Variants in MCU observed in about 807,000 individuals in gnomAD.
MCU encodes the protein calcium uniporter protein, mitochondrial.
A neutral mutation model predicts 45.2 loss-of-function variants in MCU; 12 were observed. The ratio of observed to expected loss-of-function variants is 0.27; its 90% CI spans 0.17 to 0.43. The LOEUF (loss-of-function observed/expected upper bound fraction) is 0.43. Among genes scored for constraint, MCU ranks in the 20% least tolerant of loss-of-function variants. The pLI, the probability that MCU is intolerant of heterozygous loss-of-function variation, is 1.00. For synonymous variants in MCU, 160 were observed against 165.1 expected (o/e 0.97, Z 0.24); for missense variants, 324 against 436.7 (o/e 0.74, Z 2.30).
chr10:72,766,004 C>T (rs1228016307), intron 1 of MCU, among the ~76,000 whole-genome samples: 1 of 151,996 alleles, frequency 6.6e-6, no homozygotes, highest in Non-Finnish European at 1.5e-5. Context: ...GTAGCTGGGA[C>T]TACAGGCATG....
intron 1 of MCU, among the ~76,000 whole-genome samples, chr10:72,728,174 A>G (rs1169017289): frequency 6.6e-6 from 1 of 152,178 alleles, no homozygotes; most frequent in Non-Finnish European, 1.5e-5. Context: ...TGGATTTCAC[A>G]TGGTGTCTCC....
intron 1 of MCU, among the ~76,000 whole-genome samples, chr10:72,777,585 G>C (rs1843915011): frequency 6.6e-6 from 1 of 152,206 alleles, no homozygotes; most frequent in African/African-American, 2.4e-5. Context: ...ACCTGGAACT[G>C]TGAAACTACC....
intron 1 of MCU, among the ~76,000 whole-genome samples, chr10:72,806,153 T>C (rs1471460248): frequency 7.7e-6 from 1 of 129,512 alleles, no homozygotes; most frequent in Non-Finnish European, 1.6e-5. Flanking sequence ...CATGAAGAGC[T>C]TTTTTTTTTT....
intron 5 of MCU, 107 bp from the exon 6 acceptor site, chr10:72,871,270 C>T: frequency 1.0e-6 from 1 of 957,598 alleles, no homozygotes; most frequent in African/African-American, 1.6e-5. Flanking sequence ...AGAATTGAGA[C>T]TTGTGTCTTG....
chr10:72,760,407 T>C (rs951633547), intron 1 of MCU: 6 of 152,120 alleles, frequency 3.9e-5, no homozygotes, highest in African/African-American at 7.2e-5. Flanking sequence ...GTTATAATGC[T>C]CAAAAGTCAC....
intron 1 of MCU, among the ~76,000 whole-genome samples, chr10:72,799,239 T>A (rs1397161260): frequency 6.6e-6 from 1 of 152,218 alleles, no homozygotes; most frequent in Non-Finnish European, 1.5e-5. Flanking sequence ...CTGATTCTTT[T>A]TAAAAGCTAT....
intron 1 of MCU, among the ~76,000 whole-genome samples, chr10:72,789,837 G>A (rs1844131522): frequency 6.6e-6 from 1 of 152,068 alleles, no homozygotes; most frequent in Non-Finnish European, 1.5e-5. Context: ...CTACTTTCTG[G>A]CATGAAAGTA....
chr10:72,852,768 T>G (rs934742764), intron 2 of MCU, among the ~76,000 whole-genome samples: 1 of 152,002 alleles, frequency 6.6e-6, no homozygotes, highest in African/African-American at 2.4e-5. Flanking sequence ...GAAAGAGGAG[T>G]CTCGGAAATC....
At chr10:72,713,028 T>C (rs575583370) in intron 1 of MCU, among the ~76,000 whole-genome samples, 1 of 152,320 alleles carries the variant, frequency 6.6e-6, no homozygotes, top group South Asian at 2.1e-4. Context: ...AAATGTTAGT[T>C]AGGCACCCAA....
chr10:72,764,002 A>T (rs925667160), intron 1 of MCU, among the ~76,000 whole-genome samples: 2 of 152,240 alleles, frequency 1.3e-5, no homozygotes, highest in Non-Finnish European at 2.9e-5. Flanking sequence ...TTTTTTCTCT[A>T]AAAGTAGCCA....
chr10:72,852,207 G>C (rs1407102410), intron 2 of MCU, among the ~76,000 whole-genome samples: 1 of 152,148 alleles, frequency 6.6e-6, no homozygotes, highest in Non-Finnish European at 1.5e-5. Context: ...CTGACTTCAG[G>C]AAACAGTAGA....
At chr10:72,748,239 G>A (rs183990718) in intron 1 of MCU, among the ~76,000 whole-genome samples, 6 of 152,174 alleles carry the variant, frequency 3.9e-5, no homozygotes, top group Admixed American at 3.9e-4. Flanking sequence ...GTAGAGATGC[G>A]GTTTCACCAG....
intron 2 of MCU, among the ~76,000 whole-genome samples, chr10:72,847,704 C>T (rs1845144015): frequency 6.6e-6 from 1 of 152,070 alleles, no homozygotes; most frequent in African/African-American, 2.4e-5. Flanking sequence ...CTTTTATTAT[C>T]TCTCATGTTT....
At chr10:72,786,909 C>A (rs1307564417) in intron 1 of MCU, among the ~76,000 whole-genome samples, 1 of 152,156 alleles carries the variant, frequency 6.6e-6, no homozygotes, top group Non-Finnish European at 1.5e-5. Context: ...TTACACAAAT[C>A]ACCAAATGTG....
chr10:72,694,260 G>C (rs1284229426), intron 1 of MCU, among the ~76,000 whole-genome samples: 1 of 152,152 alleles, frequency 6.6e-6, no homozygotes, highest in African/African-American at 2.4e-5. Context: ...CATGTATACA[G>C]CTGTTTCCAT....
chr10:72,782,063 C>T (rs1235232206), intron 1 of MCU, among the ~76,000 whole-genome samples: 2 of 152,150 alleles, frequency 1.3e-5, no homozygotes, highest in Non-Finnish European at 2.9e-5. Context: ...TATACTCTGC[C>T]CCAGAGCTCT....
In MCU at chr10:72,717,113, TTC is replaced by T. The variant is rs972032220; in HGVS notation, c.150+24826_150+24827del. 2.7e-4 allele frequency among the ~76,000 whole-genome samples: 39 copies of T among 144,444 alleles called. No individual in the cohort carries two copies. In the South Asian group the frequency reaches 4.7e-3, roughly 18 times the overall value. 94.8% of individuals were successfully genotyped at this position (144,444 alleles called of 152,430 possible). On this transcript the variant is annotated intron_variant, in intron 1 of 7. Transcript: ENST00000373053. ...TTGAAAGGTGCACAGTCTATTTCCT[TTC>T]TCTCTCTCTCTCTTTTTTTTTTTTT...
At chr10:72,699,662 G>A (rs542042628) in intron 1 of MCU, among the ~76,000 whole-genome samples, 2 of 149,678 alleles carry the variant, frequency 1.3e-5, no homozygotes, top group Admixed American at 1.3e-4. Context: ...CGCTATCTCT[G>A]CTCTCTGCAG....
chr10:72,737,576 A>G (rs1300238382), intron 1 of MCU, among the ~76,000 whole-genome samples: 1 of 148,458 alleles, frequency 6.7e-6, no homozygotes, highest in Non-Finnish European at 1.5e-5. Context: ...TTGGATTGAC[A>G]TGGTGCGATC....
Sources: gnomAD v4.1 joint callset for allele counts (sites outside exome capture counted in the v4.1 genomes callset) on GRCh38, gnomAD v4.1.1 for gene constraint, MANE v1.5 for transcripts, NCBI Gene and HGNC (gene_info 2026-07-23, HGNC 2026-07-21) for gene names.